The following DGKB variants were observed in gnomAD, a reference collection of about 807,000 sequenced individuals.
The protein encoded by DGKB is 90 kDa diacylglycerol kinase.
A neutral mutation model predicts 114.3 loss-of-function variants in DGKB; 67 were observed. That is an observed-to-expected ratio of 0.59 (90% CI 0.48 to 0.72). The LOEUF (loss-of-function observed/expected upper bound fraction) is 0.72. Ranked by LOEUF, DGKB falls within the 30% of genes least tolerant of loss-of-function variation. The pLI, the probability that DGKB is intolerant of heterozygous loss-of-function variation, is 0.00. For synonymous variants in DGKB, 398 were observed against 323.1 expected (o/e 1.23, Z -2.49); for missense variants, 907 against 975.2 (o/e 0.93, Z 0.93).
intron 13 of DGKB, among the ~76,000 whole-genome samples, chr7:14,634,521 T>C (rs1467609068): frequency 7.7e-6 from 1 of 129,242 alleles, no homozygotes. Context: ...CACACACTTG[T>C]TTTGCCTGAA....
chr7:14,307,864 C>T (rs1002986016), intron 23 of DGKB, among the ~76,000 whole-genome samples: 1 of 151,916 alleles, frequency 6.6e-6, no homozygotes, highest in Non-Finnish European at 1.5e-5. Context: ...ACATTGACTC[C>T]CTTAAATTAT....
chr7:14,217,222 GAAT>G (rs34516138), intron 23 of DGKB, among the ~76,000 whole-genome samples: 31,280 of 151,866 alleles, frequency 0.21, 3,408 homozygotes, highest in Middle Eastern at 0.31. Context: ...TTTAAAGTGA[GAAT>G]AATTCAGTTT....
intron 1 of DGKB, among the ~76,000 whole-genome samples, chr7:14,959,179 T>G (rs549199369): frequency 6.6e-6 from 1 of 152,206 alleles, no homozygotes; most frequent in East Asian, 1.9e-4. Flanking sequence ...TATTTTATAT[T>G]CTTCAGAAAA....
intron 21 of DGKB, among the ~76,000 whole-genome samples, chr7:14,356,723 C>T (rs775016077): frequency 1.3e-5 from 2 of 152,122 alleles, no homozygotes; most frequent in African/African-American, 2.4e-5. Flanking sequence ...CCTGCTTTCT[C>T]TTGTGGGAAT....
At position 14,426,298 on chromosome 7, in the gene DGKB, G is replaced by A. The variant is rs182832848; in HGVS notation, c.1835+51863C>T. On this transcript the variant is annotated intron_variant, in intron 21 of 25. Transcript: ENST00000402815. ...AGGATAAGATTGGACTTAGAAATCT[G>A]TAAATTAAGCTAAGTGATTTAAAGC... 5.3e-5 allele frequency among the ~76,000 whole-genome samples: 8 copies of A among 152,252 alleles called. No homozygotes were observed. In the East Asian group the frequency reaches 1.5e-3, roughly 29 times the overall value.
At chr7:14,874,740 A>G (rs1235520807) in intron 1 of DGKB, among the ~76,000 whole-genome samples, 1 of 152,152 alleles carries the variant, frequency 6.6e-6, no homozygotes, top group East Asian at 1.9e-4. Context: ...GAAAAAAGCA[A>G]GAACTGCAAC....
At chr7:14,188,017 C>G (rs1188958179) in intron 23 of DGKB, among the ~76,000 whole-genome samples, 1 of 151,086 alleles carries the variant, frequency 6.6e-6, no homozygotes, top group Non-Finnish European at 1.5e-5. Context: ...AAAAAAGAAC[C>G]AAGCGGAATT....
intron 21 of DGKB, among the ~76,000 whole-genome samples, chr7:14,453,710 T>G (rs538124957): frequency 6.6e-6 from 1 of 152,300 alleles, no homozygotes; most frequent in South Asian, 2.1e-4. Flanking sequence ...AAGGCCCAGA[T>G]AGTAAATAAT....
Position 14,369,925 on chromosome 7 carries a change from T to G in DGKB, c.1836-24534A>C, listed in dbSNP as rs560480231. ...AGAACTATCTGATTATAGTTTCTTT[T>G]GCTGTGCAGAAGCTGTTTCATTTCA... On this transcript the variant is annotated intron_variant, in intron 21 of 25. Transcript: ENST00000402815. Among the ~76,000 whole-genome samples the G allele has an allele frequency of 3.3e-5, 5 of 152,366 alleles. 2 individuals carry two copies. In the South Asian group the frequency reaches 1.0e-3, roughly 32 times the overall value.
chr7:14,784,194 G>C (rs2128493321), intron 2 of DGKB, among the ~76,000 whole-genome samples: 1 of 151,708 alleles, frequency 6.6e-6, no homozygotes, highest in East Asian at 1.9e-4. Context: ...TTCAGCTGAA[G>C]CTCTTTTTTG....
At chr7:14,569,696 C>T (rs773386875) in intron 20 of DGKB, among the ~76,000 whole-genome samples, 2 of 151,868 alleles carry the variant, frequency 1.3e-5, no homozygotes, top group Non-Finnish European at 2.9e-5. Flanking sequence ...TATTTCTCTC[C>T]TTATTGTTAA....
intron 1 of DGKB, among the ~76,000 whole-genome samples, chr7:14,970,720 C>T (rs1196065394): frequency 6.6e-6 from 1 of 152,118 alleles, no homozygotes; most frequent in Non-Finnish European, 1.5e-5. Flanking sequence ...CCCCTGACTC[C>T]CAAAGGCTAT....
intron 23 of DGKB, among the ~76,000 whole-genome samples, chr7:14,280,925 A>G (rs929761114): frequency 0.025 from 3,792 of 150,826 alleles, 162 homozygotes; most frequent in African/African-American, 0.089. Flanking sequence ...TAGAAAGACC[A>G]TCGAGACTAG....
intron 23 of DGKB, among the ~76,000 whole-genome samples, chr7:14,322,790 A>G (rs1808058757): frequency 6.6e-6 from 1 of 152,200 alleles, no homozygotes; most frequent in African/African-American, 2.4e-5. Context: ...ATATTTCACA[A>G]AAGAAAATGT....
chr7:14,438,042 T>C (rs1215676484), intron 21 of DGKB, among the ~76,000 whole-genome samples: 2 of 152,002 alleles, frequency 1.3e-5, no homozygotes, highest in African/African-American at 4.8e-5. Flanking sequence ...TACACTGCTA[T>C]ACTGAAGTTT....
At chr7:14,535,020 G>T (rs1792197264) in intron 20 of DGKB, among the ~76,000 whole-genome samples, 1 of 152,000 alleles carries the variant, frequency 6.6e-6, no homozygotes, top group African/African-American at 2.4e-5. Flanking sequence ...AAAGCTTATG[G>T]GATACAGCAA....
chr7:14,343,743 C>G (rs1490387150), intron 22 of DGKB, among the ~76,000 whole-genome samples: 1 of 150,514 alleles, frequency 6.6e-6, no homozygotes, highest in African/African-American at 2.4e-5. Context: ...AAGAAATATT[C>G]AAAATCTAGT....
At chr7:14,654,044 G>C (rs1419523124) in intron 13 of DGKB, among the ~76,000 whole-genome samples, 1 of 151,992 alleles carries the variant, frequency 6.6e-6, no homozygotes, top group Non-Finnish European at 1.5e-5. Context: ...GAGCAGTTTG[G>C]CAACAGGATG....
intron 1 of DGKB, among the ~76,000 whole-genome samples, chr7:14,933,502 G>T (rs1022503522): frequency 6.6e-6 from 1 of 152,066 alleles, no homozygotes; most frequent in Admixed American, 6.6e-5. Context: ...ATTGACATTT[G>T]TATCTCTCTT....
Sources: allele counts gnomAD v4.1 joint callset (sites outside exome capture counted in the v4.1 genomes callset), GRCh38; gene constraint gnomAD v4.1.1; transcripts MANE v1.5; gene names NCBI Gene and HGNC (gene_info 2026-07-23, HGNC 2026-07-21).